Variants in EGFLAM observed in about 807,000 individuals in gnomAD.
The protein encoded by EGFLAM is pikachurin.
A neutral mutation model predicts 113.1 loss-of-function variants in EGFLAM; 79 were observed. That is an observed-to-expected ratio of 0.70 (90% CI 0.58 to 0.84). The LOEUF (loss-of-function observed/expected upper bound fraction) is 0.84. Ranked by LOEUF, EGFLAM falls within the 40% of genes least tolerant of loss-of-function variation. The pLI, the probability that EGFLAM is intolerant of heterozygous loss-of-function variation, is 0.00. For synonymous variants in EGFLAM, 504 were observed against 487.6 expected, an observed-to-expected ratio of 1.03 and a Z score of -0.44; for missense variants, 1,265 against 1,291.6, an observed-to-expected ratio of 0.98 and a Z score of 0.32.
chr5:38,260,376 C>T (rs1757469409), intron 1 of EGFLAM, among the ~76,000 whole-genome samples: 1 of 152,120 alleles, frequency 6.6e-6, no homozygotes, highest in Non-Finnish European at 1.5e-5. Context: ...ATATTTTAAT[C>T]CATTTAAGGG....
At chr5:38,388,617 C>T (rs887065311) in intron 6 of EGFLAM, among the ~76,000 whole-genome samples, 2 of 151,376 alleles carry the variant, frequency 1.3e-5, no homozygotes, top group Non-Finnish European at 2.9e-5. Flanking sequence ...TAAATTAGCC[C>T]GGCATGGTGG....
At chr5:38,323,316 A>G (rs1738788248) in intron 1 of EGFLAM, among the ~76,000 whole-genome samples, 1 of 152,230 alleles carries the variant, frequency 6.6e-6, no homozygotes, top group South Asian at 2.1e-4. Context: ...AAATTGACCT[A>G]ATTATTCAGA....
chr5:38,406,726 G>A (rs1741297286), intron 7 of EGFLAM, 102 bp from the exon 8 acceptor site: 2 of 1,139,536 alleles, frequency 1.8e-6, no homozygotes, highest in Admixed American at 2.4e-5. Context: ...AGGGTTTTTG[G>A]AAGTGACCAT....
chr5:38,383,332 A>G (rs921580824), intron 6 of EGFLAM, among the ~76,000 whole-genome samples: 1 of 152,232 alleles, frequency 6.6e-6, no homozygotes, highest in African/African-American at 2.4e-5. Context: ...TGAAATAAAA[A>G]GCTGGCAAAT....
chr5:38,348,144 A>T (rs1277664142), intron 3 of EGFLAM, among the ~76,000 whole-genome samples: 1 of 152,034 alleles, frequency 6.6e-6, no homozygotes, highest in Non-Finnish European at 1.5e-5. Context: ...AGCTTTGGTT[A>T]TGTTACACTT....
At chr5:38,447,526 C>T (rs1355417920) in intron 17 of EGFLAM, among the ~76,000 whole-genome samples, 8 of 152,056 alleles carry the variant, frequency 5.3e-5, no homozygotes, top group African/African-American at 1.4e-4. Context: ...GAGGCCGAGG[C>T]GGGTGGATCA....
chr5:38,366,658 G>T (rs1248572545), intron 5 of EGFLAM, among the ~76,000 whole-genome samples: 2 of 152,298 alleles, frequency 1.3e-5, no homozygotes, highest in Middle Eastern at 3.4e-3. Context: ...GTGACTTTGG[G>T]TAAATTATTT....
Position 38,370,368 on chromosome 5 carries a change from C to T in EGFLAM, c.618C>T (p.Leu206=), listed in dbSNP as rs150656160. 175 of 1,614,060 alleles carry T rather than the reference C, an allele frequency of 1.1e-4. No individual in the cohort carries two copies. Among genetic ancestry groups the T allele is most frequent in the Middle Eastern group, 1.6e-4 (1 of 6,084 alleles). The change falls in exon 6 of 22, where the codon CTC becomes CTT. Residue 206 remains leucine, a synonymous_variant. Transcript: ENST00000322350. The part of the protein sequence containing the change: ...IQMDSMVIKG[L]DPDTNYQFAV... ...TGGACTCCATGGTTATCAAGGGCCT[C>T]GATCCAGATACCAACTACCAGTTTG...
At chr5:38,308,681 T>A (rs764526735) in intron 1 of EGFLAM, among the ~76,000 whole-genome samples, 1 of 152,164 alleles carries the variant, frequency 6.6e-6, no homozygotes, top group Non-Finnish European at 1.5e-5. Context: ...ATAAGGAAGA[T>A]GAGGATGATG....
chr5:38,334,262 T>A (rs150451400), intron 1 of EGFLAM, among the ~76,000 whole-genome samples: 66 of 152,306 alleles, frequency 4.3e-4, no homozygotes, highest in African/African-American at 1.5e-3. Flanking sequence ...TTAGTTTGTT[T>A]GGCTGCTATA....
At chr5:38,328,345 T>G (rs946950370) in intron 1 of EGFLAM, among the ~76,000 whole-genome samples, 3 of 152,188 alleles carry the variant, frequency 2.0e-5, no homozygotes, top group Admixed American at 6.5e-5. Flanking sequence ...AGGCCCTTCC[T>G]CCAACACTGG....
At chr5:38,371,686 C>A (rs546795835) in intron 6 of EGFLAM, among the ~76,000 whole-genome samples, 3 of 151,946 alleles carry the variant, frequency 2.0e-5, no homozygotes, top group Non-Finnish European at 4.4e-5. Flanking sequence ...CTATTGATCA[C>A]CCAGGAAAAA....
intron 6 of EGFLAM, among the ~76,000 whole-genome samples, chr5:38,392,257 C>T (rs1740832939): frequency 6.6e-6 from 1 of 152,178 alleles, no homozygotes; most frequent in Non-Finnish European, 1.5e-5. Flanking sequence ...TGGCCTCCAG[C>T]TCCATCCACA....
intron 1 of EGFLAM, among the ~76,000 whole-genome samples, chr5:38,333,788 G>C (rs1176943595): frequency 6.6e-6 from 1 of 152,072 alleles, no homozygotes; most frequent in Non-Finnish European, 1.5e-5. Context: ...TTGCTGTGCA[G>C]AAGCTCTTAA....
Position 38,349,988 on chromosome 5 carries a change from G to C in EGFLAM, c.292-513G>C, listed in dbSNP as rs112410643. 1.5e-3 allele frequency among the ~76,000 whole-genome samples: 202 copies of C among 135,126 alleles called. 1 individual carries two copies. The highest frequency in any genetic ancestry group is 0.015 in the Middle Eastern group (4 of 274). The allele number at this position is 135,126 out of a possible 152,430, so 88.6% of individuals were successfully genotyped here. On this transcript the variant is annotated intron_variant, in intron 3 of 21. Transcript: ENST00000322350. ...ACACACACACACACACACACACACA[G>C]ACAGACACACAGACATACTTTTAAG... is the stretch of plus-strand genomic sequence containing the variant.
intron 1 of EGFLAM, among the ~76,000 whole-genome samples, chr5:38,337,307 C>T (rs1028348242): frequency 6.6e-6 from 1 of 152,174 alleles, no homozygotes; most frequent in African/African-American, 2.4e-5. Flanking sequence ...AATAGTTGGA[C>T]TGATTTATCT....
intron 1 of EGFLAM, among the ~76,000 whole-genome samples, chr5:38,270,696 A>G (rs1455613191): frequency 2.0e-5 from 3 of 152,224 alleles, no homozygotes; most frequent in Admixed American, 6.5e-5. Context: ...TATGCCTTAT[A>G]TATTTCATCT....
intron 10 of EGFLAM, among the ~76,000 whole-genome samples, chr5:38,411,238 G>A (rs1294825750): frequency 1.3e-5 from 2 of 152,006 alleles, no homozygotes; most frequent in African/African-American, 2.4e-5. Flanking sequence ...GACCATCCTG[G>A]CCAACATGGC....
At chr5:38,435,014 T>C in intron 15 of EGFLAM, 123 bp from the exon 16 acceptor site, 1 of 729,252 alleles carries the variant, frequency 1.4e-6, no homozygotes, top group Non-Finnish European at 2.4e-6. Flanking sequence ...AGACAGATTG[T>C]CATGATGGGT....
Sources: gnomAD v4.1 joint callset for allele counts (sites outside exome capture counted in the v4.1 genomes callset) on GRCh38, gnomAD v4.1.1 for gene constraint, MANE v1.5 for transcripts, NCBI Gene and HGNC (gene_info 2026-07-23, HGNC 2026-07-21) for gene names.